The following LCP1 variants were observed in gnomAD, a reference collection of about 807,000 sequenced individuals.
The protein encoded by LCP1 is lymphocyte cytosolic protein 1, also known as plastin-2.
Under a neutral mutation model 72.0 loss-of-function variants are expected in LCP1, and 23 were observed. The observed-to-expected ratio is 0.32, with a 90% CI of 0.23 to 0.45. LCP1 has a LOEUF of 0.45. LCP1 is among the 20% of genes least tolerant of loss of function. LCP1 has a pLI of 1.00. For synonymous variants in LCP1, 245 were observed against 275.4 expected (o/e 0.89, Z 1.09); for missense variants, 571 against 748.3 (o/e 0.76, Z 2.76).
chr13:46,167,005 G>A (rs2045880126), intron 1 of LCP1, among the ~76,000 whole-genome samples: 1 of 152,070 alleles, frequency 6.6e-6, no homozygotes, highest in African/African-American at 2.4e-5. Context: ...CCAGTTAAAG[G>A]GACTCTGATG....
chr13:46,146,296 A>G (rs1239265218), intron 10 of LCP1, among the ~76,000 whole-genome samples: 4 of 152,156 alleles, frequency 2.6e-5, no homozygotes, highest in African/African-American at 9.7e-5. Flanking sequence ...ATATTAGTTG[A>G]CCTTTGTCTC....
At chr13:46,130,664 A>T in intron 15 of LCP1, 150 bp downstream of exon 15, 1 of 869,808 alleles carries the variant, frequency 1.1e-6, no homozygotes, top group Non-Finnish European at 1.8e-6. Context: ...CAAAACAGTG[A>T]TGATGAGACT....
intron 1 of LCP1, among the ~76,000 whole-genome samples, chr13:46,165,548 T>C (rs964294944): frequency 2.0e-5 from 3 of 152,174 alleles, no homozygotes; most frequent in Non-Finnish European, 4.4e-5. Flanking sequence ...ACTGCTGCAG[T>C]AATGGGCATG....
rs1555314145 is a variant in LCP1 at position 46,135,125 on chromosome 13, A to AAAG, written c.1503-876_1503-875insCTT. Among the ~76,000 whole-genome samples, 128 of 119,232 alleles carry AAAG rather than the reference A, an allele frequency of 1.1e-3. 1 individual carries two copies. The highest frequency in any genetic ancestry group is 1.6e-3 in the Non-Finnish European group (97 of 60,262). The allele number at this position is 119,232 out of a possible 152,430, so 78.2% of individuals were successfully genotyped here. On this transcript the variant is annotated intron_variant, in intron 13 of 15. Transcript: ENST00000323076. ...CTCTGTCTCAAAAAAAAAAAAAAAG[A>AAAG]AAAAAAAAAAACCCACACTGTCTCT...
chr13:46,180,002 T>A (rs997848302), intron 1 of LCP1, among the ~76,000 whole-genome samples: 4 of 152,200 alleles, frequency 2.6e-5, no homozygotes, highest in African/African-American at 9.7e-5. Context: ...TCTCTTGCTC[T>A]CTCTCTTTTA....
At chr13:46,163,262 C>T (rs1250241535) in intron 1 of LCP1, among the ~76,000 whole-genome samples, 1 of 152,234 alleles carries the variant, frequency 6.6e-6, no homozygotes, top group East Asian at 1.9e-4. Context: ...AAGAAGTAGA[C>T]ATAGGAGGCT....
chr13:46,176,790 T>A (rs1195231860), intron 1 of LCP1, among the ~76,000 whole-genome samples: 1 of 152,172 alleles, frequency 6.6e-6, no homozygotes, highest in Non-Finnish European at 1.5e-5. Flanking sequence ...ATGGAAAACA[T>A]AATCTCTTTT....
At chr13:46,159,125 A>G (rs1178909287) in intron 2 of LCP1, 136 bp from the exon 3 acceptor site, 3 of 763,426 alleles carry the variant, frequency 3.9e-6, no homozygotes, top group East Asian at 5.0e-5. Flanking sequence ...CCCAGGGAAG[A>G]GTCAGAATCT....
intron 13 of LCP1, among the ~76,000 whole-genome samples, chr13:46,135,007 G>T (rs1457532129): frequency 6.6e-6 from 1 of 151,516 alleles, no homozygotes; most frequent in Non-Finnish European, 1.5e-5. Context: ...TACTAGGGAG[G>T]CTGAGGTAGG....
At chr13:46,179,230 G>T (rs2045945531) in intron 1 of LCP1, among the ~76,000 whole-genome samples, 1 of 152,122 alleles carries the variant, frequency 6.6e-6, no homozygotes, top group Admixed American at 6.5e-5. Context: ...AATGAGACTA[G>T]GGCTTCGGTA....
chr13:46,152,458 A>AAT (rs1250922456), intron 7 of LCP1, among the ~76,000 whole-genome samples: 1 of 152,338 alleles, frequency 6.6e-6, no homozygotes, highest in Non-Finnish European at 1.5e-5. Context: ...GTGCAAGTTA[A>AAT]AAGTCCTCTT....
intron 10 of LCP1, among the ~76,000 whole-genome samples, chr13:46,146,312 T>C (rs2045730620): frequency 6.6e-6 from 1 of 152,196 alleles, no homozygotes; most frequent in Non-Finnish European, 1.5e-5. Flanking sequence ...GTCTCAATAT[T>C]GGGACTAGTT....
chr13:46,144,649 A>T (rs1360920579), intron 10 of LCP1, 129 bp from the exon 11 acceptor site: 2 of 675,524 alleles, frequency 3.0e-6, no homozygotes, highest in East Asian at 5.2e-5. Context: ...AATAAACTGT[A>T]TTGGATTTGG....
Position 46,126,756 on chromosome 13 carries a change from T to C in LCP1, c.*835A>G. 1 of 231,376 alleles carries C rather than the reference T, an allele frequency of 4.3e-6. No homozygotes were observed. Among genetic ancestry groups the C allele is most frequent in the Non-Finnish European group, 8.6e-6 (1 of 116,922 alleles). The allele number at this position is 231,376 out of a possible 1,614,324, so 14.3% of individuals were successfully genotyped here. ...TCCATGCTGCCGCCGAGTGGCTTGA[T>C]GCTCCATTACACCCTCCTTGGATCC... On this transcript the variant is annotated 3_prime_UTR_variant, in exon 16 of 16. Transcript: ENST00000323076.
At chr13:46,175,341 C>T (rs2045924151) in intron 1 of LCP1, among the ~76,000 whole-genome samples, 2 of 152,094 alleles carry the variant, frequency 1.3e-5, no homozygotes, top group Admixed American at 1.3e-4. Flanking sequence ...ATAGCACTTG[C>T]CTGATTTTAT....
At chr13:46,136,677 T>C (rs1282120456) in intron 13 of LCP1, among the ~76,000 whole-genome samples, 1 of 152,212 alleles carries the variant, frequency 6.6e-6, no homozygotes, top group Non-Finnish European at 1.5e-5. Flanking sequence ...GGCTTCTTAT[T>C]TCCAGATAGC....
chr13:46,177,117 T>C (rs2045935178), intron 1 of LCP1, among the ~76,000 whole-genome samples: 1 of 152,218 alleles, frequency 6.6e-6, no homozygotes, highest in Admixed American at 6.5e-5. Flanking sequence ...GGCTCTGAAG[T>C]TGAGCAAAAC....
intron 8 of LCP1, among the ~76,000 whole-genome samples, chr13:46,150,342 T>C (rs1210541556): frequency 1.3e-5 from 2 of 152,216 alleles, no homozygotes; most frequent in African/African-American, 4.8e-5. Flanking sequence ...CAGGGAACTT[T>C]TCATATACTT....
chr13:46,180,300 A>G (rs1355882903), intron 1 of LCP1, among the ~76,000 whole-genome samples: 1 of 152,164 alleles, frequency 6.6e-6, no homozygotes, highest in African/African-American at 2.4e-5. Context: ...ACGTGCTCAT[A>G]ATTATTGAGT....
Sources: gnomAD v4.1 joint callset for allele counts (sites outside exome capture counted in the v4.1 genomes callset) on GRCh38, gnomAD v4.1.1 for gene constraint, MANE v1.5 for transcripts, NCBI Gene and HGNC (gene_info 2026-07-23, HGNC 2026-07-21) for gene names.